The following PTPRD variants were observed in gnomAD, a reference collection of about 807,000 sequenced individuals.
PTPRD encodes receptor-type tyrosine-protein phosphatase delta.
Under a neutral mutation model 214.5 loss-of-function variants are expected in PTPRD, and 34 were observed. The observed-to-expected ratio is 0.16, with a 90% CI of 0.12 to 0.21. The LOEUF (loss-of-function observed/expected upper bound fraction) is 0.21. Ranked by LOEUF, PTPRD falls within the 10% of genes least tolerant of loss-of-function variation. PTPRD has a pLI of 1.00. For synonymous variants in PTPRD, 1,128 were observed against 845.7 expected, an observed-to-expected ratio of 1.33 and a Z score of -5.79; for missense variants, 2,545 against 2,398.7, an observed-to-expected ratio of 1.06 and a Z score of -1.27.
intron 2 of PTPRD, among the ~76,000 whole-genome samples, chr9:10,434,984 A>T (rs2098707966): frequency 6.6e-6 from 1 of 151,836 alleles, no homozygotes; most frequent in South Asian, 2.1e-4. Flanking sequence ...GAATTGGTAG[A>T]TGAGGAGGAA....
In PTPRD at chr9:10,116,440, G is replaced by T. The variant is rs12683509; in HGVS notation, c.-544-82650C>A. ...ACTAAAAGAAATCATAGATATTTTCGTATCAATTAATATTGCCACAGATAC... is the reference window on the plus strand; with the variant it reads ...ACTAAAAGAAATCATAGATATTTTCTTATCAATTAATATTGCCACAGATAC... On this transcript the variant is annotated intron_variant, in intron 3 of 45. Coordinates refer to ENST00000381196, the MANE Select transcript of PTPRD (RefSeq NM_002839.4). Among the ~76,000 whole-genome samples the T allele has an allele frequency of 0.013, 1,970 of 152,032 alleles. 125 individuals are homozygous for T. The East Asian group carries it at 0.19, about 14-fold the overall frequency.
At chr9:9,293,765 C>A (rs2780074) in intron 9 of PTPRD, among the ~76,000 whole-genome samples, 20,415 of 151,570 alleles carry the variant, frequency 0.13, 1,681 homozygotes, top group Middle Eastern at 0.19. Flanking sequence ...AAATTTAATG[C>A]CTTTTCCATC....
intron 8 of PTPRD, among the ~76,000 whole-genome samples, chr9:9,504,272 A>G (rs2096517018): frequency 6.6e-6 from 1 of 151,676 alleles, no homozygotes; most frequent in Non-Finnish European, 1.5e-5. Flanking sequence ...CTTATTTGAC[A>G]TCTGTTTTAT....
intron 7 of PTPRD, among the ~76,000 whole-genome samples, chr9:9,697,974 C>A (rs557414828): frequency 2.6e-5 from 4 of 152,296 alleles, no homozygotes; most frequent in African/African-American, 9.6e-5. Flanking sequence ...ACATATTTCT[C>A]AGCTCCAGGA....
At chr9:10,139,655 G>A (rs1327345341) in intron 3 of PTPRD, among the ~76,000 whole-genome samples, 1 of 151,976 alleles carries the variant, frequency 6.6e-6, no homozygotes, top group Non-Finnish European at 1.5e-5. Flanking sequence ...AAGGGTACAG[G>A]AACCAAACCA....
At chr9:8,862,649 G>A (rs995713639) in intron 11 of PTPRD, among the ~76,000 whole-genome samples, 2 of 151,414 alleles carry the variant, frequency 1.3e-5, no homozygotes, top group African/African-American at 2.5e-5. Flanking sequence ...TTTGAGACAT[G>A]TTGTGCAATC....
intron 9 of PTPRD, among the ~76,000 whole-genome samples, chr9:9,204,973 G>A (rs1190780589): frequency 1.3e-5 from 2 of 152,178 alleles, no homozygotes; most frequent in African/African-American, 4.8e-5. Context: ...AAAAGGTGAA[G>A]TGTGTGACTA....
At chr9:9,907,705 C>T (rs904167497) in intron 5 of PTPRD, among the ~76,000 whole-genome samples, 1 of 151,896 alleles carries the variant, frequency 6.6e-6, no homozygotes, top group Non-Finnish European at 1.5e-5. Context: ...TGAACACTAA[C>T]CAATTTCAGA....
intron 4 of PTPRD, among the ~76,000 whole-genome samples, chr9:9,948,495 G>C (rs1050632491): frequency 1.3e-5 from 2 of 152,012 alleles, no homozygotes; most frequent in African/African-American, 4.8e-5. Context: ...AAAAATGTGA[G>C]ACATAAAGGA....
chr9:9,876,155 C>CT (rs2153725547), intron 5 of PTPRD, among the ~76,000 whole-genome samples: 1 of 152,188 alleles, frequency 6.6e-6, no homozygotes, highest in African/African-American at 2.4e-5. Context: ...TTATGGGTAC[C>CT]TGAGTTCCAA....
chr9:9,305,554 G>A (rs919850710), intron 9 of PTPRD, among the ~76,000 whole-genome samples: 3 of 151,940 alleles, frequency 2.0e-5, no homozygotes, highest in Non-Finnish European at 4.4e-5. Context: ...ATTCAATAGC[G>A]CCTCTCTCTT....
chr9:10,270,951 C>A (rs1322157), intron 3 of PTPRD, among the ~76,000 whole-genome samples: 84,109 of 151,788 alleles, frequency 0.55, 25,110 homozygotes, highest in Non-Finnish European at 0.68. Flanking sequence ...CTTCCTCAGC[C>A]TCCCAGGACT....
intron 2 of PTPRD, among the ~76,000 whole-genome samples, chr9:10,494,280 T>A (rs2041327215): frequency 6.6e-6 from 1 of 151,916 alleles, no homozygotes; most frequent in Non-Finnish European, 1.5e-5. Context: ...CATGAACATA[T>A]AATCAAATTC....
chr9:8,631,587 T>G (rs1179662418), intron 14 of PTPRD, among the ~76,000 whole-genome samples: 1 of 151,870 alleles, frequency 6.6e-6, no homozygotes, highest in Non-Finnish European at 1.5e-5. Flanking sequence ...TATGTTAAAC[T>G]ATTTGGTCCT....
chr9:9,939,980 T>TC (rs564301878), intron 4 of PTPRD, among the ~76,000 whole-genome samples: 62 of 152,300 alleles, frequency 4.1e-4, no homozygotes, highest in African/African-American at 1.4e-3. Flanking sequence ...GATAATAACT[T>TC]CCTGAATATG....
chr9:8,852,320 T>A (rs1200530316), intron 11 of PTPRD, among the ~76,000 whole-genome samples: 1 of 152,242 alleles, frequency 6.6e-6, no homozygotes, highest in Non-Finnish European at 1.5e-5. Context: ...CTGGCAGAGT[T>A]ACGAGAGTTA....
At chr9:9,805,240 T>C (rs1398136977) in intron 5 of PTPRD, among the ~76,000 whole-genome samples, 1 of 152,108 alleles carries the variant, frequency 6.6e-6, no homozygotes, top group East Asian at 1.9e-4. Context: ...GACCTAGTAG[T>C]ATGAGAAGAA....
intron 5 of PTPRD, among the ~76,000 whole-genome samples, chr9:9,886,217 T>C (rs16930503): frequency 0.072 from 10,919 of 152,086 alleles, 1,212 homozygotes; most frequent in African/African-American, 0.24. Context: ...TCAATACATG[T>C]CTGGCTGCAT....
intron 10 of PTPRD, among the ~76,000 whole-genome samples, chr9:9,160,828 A>G (rs922659065): frequency 9.2e-5 from 14 of 152,184 alleles, no homozygotes; most frequent in African/African-American, 3.1e-4. Context: ...TACACACACA[A>G]TGAAATACTA....
Sources: allele counts gnomAD v4.1 joint callset (sites outside exome capture counted in the v4.1 genomes callset), GRCh38; gene constraint gnomAD v4.1.1; transcripts MANE v1.5; gene names NCBI Gene and HGNC (gene_info 2026-07-23, HGNC 2026-07-21).